Variants in TACO1 observed in about 807,000 individuals in gnomAD.
TACO1 encodes the protein translational activator of cytochrome c oxidase 1.
TACO1 carries 13 observed loss-of-function variants against 24.0 expected under a neutral mutation model. The ratio of observed to expected loss-of-function variants is 0.54; its 90% confidence interval spans 0.35 to 0.86. TACO1 has a LOEUF of 0.86. Among genes scored for constraint, TACO1 ranks in the 40% least tolerant of loss-of-function variants. The pLI, the probability that TACO1 is intolerant of heterozygous loss-of-function variation, is 0.01. For synonymous variants in TACO1, 149 were observed against 153.5 expected, an observed-to-expected ratio of 0.97 and a Z score of 0.22; for missense variants, 352 against 380.1, an observed-to-expected ratio of 0.93 and a Z score of 0.61.
Position 63,601,017 on chromosome 17 carries a change from G to A in TACO1, c.-67G>A, listed in dbSNP as rs1404919050. 2 of 1,518,646 alleles carry A rather than the reference G, an allele frequency of 1.3e-6. No individual in the cohort carries two copies. The highest frequency in any genetic ancestry group is 2.5e-5 in the East Asian group (1 of 40,742). The allele number at this position is 1,518,646 out of a possible 1,614,324, so 94.1% of individuals were successfully genotyped here. A position where few individuals can be genotyped will look rare whatever the true frequency, so the allele number is the denominator to read the frequency against. ...CGCGGGGTCCGGAACTGCTTGTTCC[G>A]GCAGTGGAAGAGACGCGCCGGCGTT... is the stretch of plus-strand genomic sequence containing the variant. On this transcript the variant is annotated 5_prime_UTR_variant, in exon 1 of 5. Coordinates refer to ENST00000258975, the MANE Select transcript of TACO1 (RefSeq NM_016360.4).
intron 2 of TACO1, among the ~76,000 whole-genome samples, chr17:63,605,907 G>T (rs1310990540): frequency 6.6e-6 from 1 of 152,112 alleles, no homozygotes; most frequent in Non-Finnish European, 1.5e-5. Context: ...TTACGACAAG[G>T]CCTAGGTGTG....
Position 63,601,356 on chromosome 17 carries a change from A to T in TACO1, c.273A>T (p.Ala91=), listed in dbSNP as rs1375036402. The change falls in exon 1 of 5, where the codon GCA becomes GCT. Residue 91 remains alanine (A), a synonymous_variant. Coordinates refer to ENST00000258975, the MANE Select transcript of TACO1 (RefSeq NM_016360.4). ...AACTCTGTTTGAACATCCGCCTGGC[A>T]GTGAAAGGTGAGACCCTGACGGTCA... is the stretch of plus-strand genomic sequence containing the variant. The part of the protein sequence containing the change: ...FSKLCLNIRL[A]VKEGGPNPEH... The T allele has an allele frequency of 6.2e-7, 1 of 1,612,448 alleles. No individual in the cohort carries two copies. Among genetic ancestry groups the T allele is most frequent in the South Asian group, 1.1e-5 (1 of 91,002 alleles).
intron 1 of TACO1, among the ~76,000 whole-genome samples, chr17:63,602,170 G>C (rs2033827270): frequency 6.8e-6 from 1 of 147,238 alleles, no homozygotes; most frequent in Non-Finnish European, 1.5e-5. Context: ...TGAAGCAGGA[G>C]AATTGCTTGA....
Position 63,607,402 on chromosome 17 carries a change from A to G in TACO1, c.631A>G (p.Ile211Val), listed in dbSNP as rs368118012. ...VNLERALEMAIEAGAEDVKET... is the reference protein window; with the variant it reads ...VNLERALEMAVEAGAEDVKET... Reference sequence around the variant, plus strand: ...CCTAGAGCGTGCCCTGGAGATGGCAATCGAAGCAGGAGCTGAGGATGTCAA... The same window carrying G: ...CCTAGAGCGTGCCCTGGAGATGGCAGTCGAAGCAGGAGCTGAGGATGTCAA... The change falls in exon 4 of 5, where the codon ATC becomes GTC. Residue 211 changes from isoleucine to valine, a missense_variant. Transcript: ENST00000258975. The G allele has an allele frequency of 4.3e-6, 7 of 1,614,104 alleles. No homozygotes were observed. In the African/African-American group the frequency reaches 9.3e-5, roughly 22 times the overall value.
chr17:63,607,479 A>G lies in TACO1; in HGVS notation c.693+15A>G, dbSNP rs761585371. ...ACGTTTTTAAAGTAAGCATGAAAACATGGGTGTTTGGTGGGCTTCCGGGAG... is the reference window on the plus strand; with the variant it reads ...ACGTTTTTAAAGTAAGCATGAAAACGTGGGTGTTTGGTGGGCTTCCGGGAG... On this transcript the variant is annotated intron_variant, in intron 4 of 4. Transcript: ENST00000258975. 36 of 1,614,032 alleles carry G rather than the reference A, an allele frequency of 2.2e-5. No homozygotes were observed. Among genetic ancestry groups the G allele is most frequent in the Non-Finnish European group, 3.0e-5 (35 of 1,180,010 alleles).
chr17:63,607,118 TC>T (rs1329921727), intron 3 of TACO1, 168 bp from the exon 4 acceptor site: 1 of 702,868 alleles, frequency 1.4e-6, no homozygotes, highest in African/African-American at 1.8e-5. Flanking sequence ...CTTGGGCTGT[TC>T]CCTTACCCAG....
intron 1 of TACO1, among the ~76,000 whole-genome samples, chr17:63,603,536 T>C (rs2033838196): frequency 6.6e-6 from 1 of 151,786 alleles, no homozygotes; most frequent in South Asian, 2.1e-4. Context: ...TGAAACCTCA[T>C]CTCTACTAAA....
chr17:63,605,533 G>T (rs962836848), intron 2 of TACO1, among the ~76,000 whole-genome samples: 3 of 152,204 alleles, frequency 2.0e-5, no homozygotes, highest in East Asian at 3.8e-4. Flanking sequence ...TGAGGCACAG[G>T]AATGTTAGGT....
At chr17:63,602,588 G>A (rs1301439683) in intron 1 of TACO1, among the ~76,000 whole-genome samples, 1 of 151,840 alleles carries the variant, frequency 6.6e-6, no homozygotes, top group Non-Finnish European at 1.5e-5. Context: ...GTGCAGTGGC[G>A]TGATCTTGGC....
At position 63,601,382 on chromosome 17, in the gene TACO1, C is replaced by A. The variant is rs750446989; in HGVS notation, c.280+19C>A. ...GTGAAAGGTGAGACCCTGACGGTCA[C>A]CCAGCACTGGCTGCCGCTGCCCTCT... On this transcript the variant is annotated intron_variant, in intron 1 of 4. Coordinates refer to ENST00000258975, the MANE Select transcript of TACO1 (RefSeq NM_016360.4). 1 of 1,610,228 alleles carries A rather than the reference C, an allele frequency of 6.2e-7. No homozygotes were observed. Among genetic ancestry groups the A allele is most frequent in the African/African-American group, 1.3e-5 (1 of 74,932 alleles).
Position 63,607,289 on chromosome 17 carries a change from G to T in TACO1, c.518G>T (p.Gly173Val). 1 of 1,613,584 alleles carries T rather than the reference G, an allele frequency of 6.2e-7. No individual in the cohort carries two copies. Among genetic ancestry groups the T allele is most frequent in the Non-Finnish European group, 8.5e-7 (1 of 1,179,968 alleles). The stretch of plus-strand genomic sequence containing the variant: ...CAGCCTGTTTCCTTCCCTGTCAGAG[G>T]AGTGATGGCTGTAGGAGCTCGTCAC... ...DIRHILNKNG[G>V]VMAVGARHSF... Residue 173 changes from glycine (G) to valine (V), a missense_variant and splice_region_variant, in exon 4 of 5, where the codon GGA becomes GTA. Gly to Val is a moderately radical substitution (Grantham distance 109, BLOSUM62 -3). Coordinates refer to ENST00000258975, the MANE Select transcript of TACO1 (RefSeq NM_016360.4).
At chr17:63,605,753 G>C (rs2033857684) in intron 2 of TACO1, among the ~76,000 whole-genome samples, 1 of 152,210 alleles carries the variant, frequency 6.6e-6, no homozygotes, top group Non-Finnish European at 1.5e-5. Flanking sequence ...TTCCTGGAAA[G>C]TTGCAGGACA....
chr17:63,601,264 A>G lies in TACO1; in HGVS notation c.181A>G (p.Asn61Asp). The G allele has an allele frequency of 6.2e-7, 1 of 1,611,986 alleles. No homozygotes were observed. The highest frequency in any genetic ancestry group is 8.5e-7 in the Non-Finnish European group (1 of 1,179,534). ...HFTAAVPAGH[N>D]KWSKVRHIKG... ...TACCGCGGCTGTCCCCGCCGGGCAC[A>G]ACAAGTGGTCCAAAGTCAGGCACAT... The change falls in exon 1 of 5, where the codon AAC becomes GAC. Residue 61 changes from asparagine (N) to aspartate (D), a missense_variant. Transcript: ENST00000258975.
Position 63,606,379 on chromosome 17 carries a change from G to A in TACO1, c.454G>A (p.Ala152Thr), listed in dbSNP as rs866705250. The change falls in exon 3 of 5, where the codon GCA (alanine) becomes ACA (threonine). Residue 152 changes from alanine to threonine, a missense_variant. Transcript: ENST00000258975. ...TGGTGGCTCTTCTCTGCTCATCGAG[G>A]CATTATCTAACAGTAGCCACAAGTG... ...GPGGSSLLIE[A>T]LSNSSHKCQA... is the part of the protein sequence containing the mutation. The A allele has an allele frequency of 1.2e-6, 2 of 1,613,962 alleles. No individual in the cohort carries two copies. Among genetic ancestry groups the A allele is most frequent in the African/African-American group, 1.3e-5 (1 of 74,900 alleles).
At chr17:63,605,207 T>C (rs2033853908) in intron 2 of TACO1, among the ~76,000 whole-genome samples, 1 of 151,940 alleles carries the variant, frequency 6.6e-6, no homozygotes, top group Non-Finnish European at 1.5e-5. Flanking sequence ...AGATGAGGTA[T>C]TATAGAAAGA....
intron 1 of TACO1, among the ~76,000 whole-genome samples, chr17:63,602,093 A>C (rs893274841): frequency 8.7e-5 from 13 of 149,276 alleles, no homozygotes; most frequent in Admixed American, 3.3e-4. Flanking sequence ...AAAATAACAA[A>C]AAAAAAAAAA....
intron 1 of TACO1, among the ~76,000 whole-genome samples, chr17:63,601,888 C>G (rs2033824217): frequency 6.6e-6 from 1 of 152,030 alleles, no homozygotes; most frequent in African/African-American, 2.4e-5. Context: ...TCCCTTAGGT[C>G]GCCACACTGA....
chr17:63,601,060 G>C lies in TACO1; in HGVS notation c.-24G>C. The C allele has an allele frequency of 6.5e-7, 1 of 1,538,334 alleles. No individual in the cohort carries two copies. The highest frequency in any genetic ancestry group is 1.2e-5 in the South Asian group (1 of 83,880). Reference sequence around the variant, plus strand: ...CCGGCGTTGGCCGCTGCTGCTAGCAGCTTGAACCCCAGGGTCGGGACCGAT... The same window carrying C: ...CCGGCGTTGGCCGCTGCTGCTAGCACCTTGAACCCCAGGGTCGGGACCGAT... On this transcript the variant is annotated 5_prime_UTR_variant, in exon 1 of 5. Coordinates refer to ENST00000258975, the MANE Select transcript of TACO1 (RefSeq NM_016360.4).
intron 1 of TACO1, among the ~76,000 whole-genome samples, chr17:63,602,580 G>T (rs1458125092): frequency 6.6e-6 from 1 of 151,970 alleles, no homozygotes; most frequent in Non-Finnish European, 1.5e-5. Context: ...AGGGTAGAGT[G>T]CAGTGGCGTG....
Sources: gnomAD v4.1 joint callset for allele counts (sites outside exome capture counted in the v4.1 genomes callset) on GRCh38, gnomAD v4.1.1 for gene constraint, MANE v1.5 for transcripts, NCBI Gene and HGNC (gene_info 2026-07-23, HGNC 2026-07-21) for gene names.